Variants in CNTN5 observed in about 807,000 individuals in gnomAD.
CNTN5 encodes the protein contactin-5.
In CNTN5, 77 loss-of-function variants were observed where a neutral mutation model predicts 129.1. The ratio of observed to expected loss-of-function variants is 0.60; its 90% confidence interval spans 0.50 to 0.72. The LOEUF (loss-of-function observed/expected upper bound fraction) is 0.72. Among genes scored for constraint, CNTN5 ranks in the 30% least tolerant of loss-of-function variants. The pLI, the probability that CNTN5 is intolerant of heterozygous loss-of-function variation, is 0.00. For synonymous variants in CNTN5, 509 were observed against 465.6 expected (o/e 1.09, Z -1.20); for missense variants, 1,478 against 1,328.8 (o/e 1.11, Z -1.75).
intron 2 of CNTN5, among the ~76,000 whole-genome samples, chr11:99,432,406 G>A (rs1047028702): frequency 6.8e-6 from 1 of 147,014 alleles, no homozygotes; most frequent in Non-Finnish European, 1.5e-5. Context: ...CAGAGTTGGG[G>A]CTCTGTTTCT....
intron 4 of CNTN5, among the ~76,000 whole-genome samples, chr11:99,844,097 TCA>T (rs1947602788): frequency 6.6e-6 from 1 of 152,200 alleles, no homozygotes; most frequent in Admixed American, 6.5e-5. Flanking sequence ...ATTACTTTTA[TCA>T]CACACAGAAT....
chr11:99,223,628 C>A (rs992228755), intron 1 of CNTN5, among the ~76,000 whole-genome samples: 1 of 151,988 alleles, frequency 6.6e-6, no homozygotes, highest in African/African-American at 2.4e-5. Flanking sequence ...TGCATCATTC[C>A]AACAAAATAA....
At chr11:99,388,703 C>T (rs1941065465) in intron 2 of CNTN5, among the ~76,000 whole-genome samples, 3 of 152,146 alleles carry the variant, frequency 2.0e-5, no homozygotes, top group Middle Eastern at 3.2e-3. Flanking sequence ...AAACTTTTTA[C>T]ACCTGCTACT....
intron 13 of CNTN5, among the ~76,000 whole-genome samples, chr11:100,114,512 T>C (rs1015708011): frequency 2.0e-5 from 3 of 152,280 alleles, no homozygotes; most frequent in East Asian, 1.9e-4. Context: ...AAAGTTCTGA[T>C]TTGATAGATT....
chr11:99,744,722 A>G (rs962374088), intron 3 of CNTN5, among the ~76,000 whole-genome samples: 5 of 28,338 alleles, frequency 1.8e-4, no homozygotes, highest in African/African-American at 6.8e-4. Flanking sequence ...CCTGTCTCAG[A>G]AAAAAAAAAA....
rs576647492 is a variant in CNTN5 at position 99,786,175 on chromosome 11, A to G, written c.56-33369A>G. Among the ~76,000 whole-genome samples the G allele has an allele frequency of 5.8e-4, 88 of 152,272 alleles. 1 individual carries two copies. In the South Asian group the frequency reaches 0.016, roughly 28 times the overall value. ...AGCAAAGTCTCACGATACAAAATCA[A>G]TGTGCAAAAATCAAAAGAATTCCTA... On this transcript the variant is annotated intron_variant, in intron 3 of 24. Transcript: ENST00000524871.
intron 2 of CNTN5, among the ~76,000 whole-genome samples, chr11:99,350,767 A>G (rs1022340368): frequency 1.3e-5 from 2 of 152,040 alleles, no homozygotes; most frequent in African/African-American, 2.4e-5. Flanking sequence ...CATGTATGAT[A>G]AAAAGAAAAC....
chr11:100,173,817 G>GA (rs1021399565), intron 13 of CNTN5, among the ~76,000 whole-genome samples: 3 of 152,090 alleles, frequency 2.0e-5, no homozygotes, highest in Admixed American at 6.6e-5. Context: ...TCCCAGAAGG[G>GA]ACCACAACAG....
At chr11:100,071,342 A>G (rs1042736043) in intron 11 of CNTN5, among the ~76,000 whole-genome samples, 13 of 152,110 alleles carry the variant, frequency 8.5e-5, no homozygotes, top group African/African-American at 3.1e-4. Context: ...CTTTTCTACT[A>G]TATGAATCCT....
intron 4 of CNTN5, among the ~76,000 whole-genome samples, chr11:99,835,678 C>T (rs1445180732): frequency 6.6e-6 from 1 of 152,090 alleles, no homozygotes; most frequent in Non-Finnish European, 1.5e-5. Flanking sequence ...AACCCATTTT[C>T]AGAATATGGC....
At chr11:100,135,813 T>C (rs1946504515) in intron 13 of CNTN5, among the ~76,000 whole-genome samples, 1 of 152,130 alleles carries the variant, frequency 6.6e-6, no homozygotes, top group Non-Finnish European at 1.5e-5. Flanking sequence ...CTTTCATCTT[T>C]CATTCGGGTT....
intron 18 of CNTN5, among the ~76,000 whole-genome samples, chr11:100,287,107 T>A (rs551870873): frequency 3.5e-4 from 53 of 152,170 alleles, no homozygotes; most frequent in Non-Finnish European, 6.8e-4. Context: ...TGGGACTATG[T>A]GAAAAGACCA....
chr11:99,487,799 A>G (rs1257118353), intron 2 of CNTN5, among the ~76,000 whole-genome samples: 1 of 152,202 alleles, frequency 6.6e-6, no homozygotes, highest in African/African-American at 2.4e-5. Context: ...CCTTATAACA[A>G]AATATATAAA....
rs139629821 is a variant in CNTN5, at chr11:99,780,575, A to C, written c.56-38969A>C. Among the ~76,000 whole-genome samples the C allele has an allele frequency of 2.6e-5, 4 of 152,220 alleles. No individual in the cohort carries two copies. The East Asian group carries it at 7.8e-4, about 30-fold the overall frequency. On this transcript the variant is annotated intron_variant, in intron 3 of 24. Coordinates refer to ENST00000524871, the MANE Select transcript of CNTN5 (RefSeq NM_014361.4). ...ACCAACACAACAGATGGGAGATCAG[A>C]GTGTAGTCCAAGAGAGTTTATTACA...
intron 8 of CNTN5, among the ~76,000 whole-genome samples, chr11:99,995,977 G>A (rs1939418283): frequency 6.6e-6 from 1 of 152,108 alleles, no homozygotes; most frequent in East Asian, 1.9e-4. Flanking sequence ...TTTTTACTGT[G>A]TGGTCAGATA....
intron 1 of CNTN5, among the ~76,000 whole-genome samples, chr11:99,092,756 AT>A (rs1482504152): frequency 1.3e-5 from 2 of 152,052 alleles, no homozygotes; most frequent in Non-Finnish European, 2.9e-5. Context: ...TCATGGAGCC[AT>A]TTTTGTTATA....
At position 100,192,112 on chromosome 11, in the gene CNTN5, T is replaced by G. The variant is rs575449121; in HGVS notation, c.1708+859T>G. Reference sequence around the variant, plus strand: ...AACATCAAGAAAGAAAAGAACAAAATGTAAAATATACTTTCATTTATATAA... The same window carrying G: ...AACATCAAGAAAGAAAAGAACAAAAGGTAAAATATACTTTCATTTATATAA... On this transcript the variant is annotated intron_variant, in intron 14 of 24. Transcript: ENST00000524871. 4.6e-5 allele frequency among the ~76,000 whole-genome samples: 7 copies of G among 152,174 alleles called. No homozygotes were observed. In the East Asian group the frequency reaches 1.2e-3, roughly 25 times the overall value.
chr11:100,254,792 A>C (rs1279769757), intron 16 of CNTN5, among the ~76,000 whole-genome samples: 1 of 152,202 alleles, frequency 6.6e-6, no homozygotes, highest in Non-Finnish European at 1.5e-5. Context: ...TTTGTACATA[A>C]AGACCAACTC....
intron 1 of CNTN5, among the ~76,000 whole-genome samples, chr11:99,185,247 T>C (rs1416469803): frequency 1.3e-5 from 2 of 150,980 alleles, no homozygotes; most frequent in African/African-American, 4.9e-5. Flanking sequence ...GCCATGAGAC[T>C]TATATGAATA....
Sources: allele counts gnomAD v4.1 joint callset (sites outside exome capture counted in the v4.1 genomes callset), GRCh38; gene constraint gnomAD v4.1.1; transcripts MANE v1.5; gene names NCBI Gene and HGNC (gene_info 2026-07-23, HGNC 2026-07-21).